Variants in BMERB1 observed in about 807,000 individuals in gnomAD.
BMERB1 encodes bMERB domain-containing protein 1.
A neutral mutation model predicts 23.6 loss-of-function variants in BMERB1; 12 were observed. The observed-to-expected ratio is 0.51, with a 90% CI of 0.33 to 0.82. The LOEUF (loss-of-function observed/expected upper bound fraction) is 0.82. BMERB1 is among the 40% of genes least tolerant of loss of function. The pLI, the probability that BMERB1 is intolerant of heterozygous loss-of-function variation, is 0.03. For missense variants in BMERB1, 247 were observed against 255.4 expected (o/e 0.97, Z 0.22); for synonymous variants, 122 against 96.6 (o/e 1.26, Z -1.54).
chr16:15,513,375 G>T (rs1471411384), intron 1 of BMERB1, among the ~76,000 whole-genome samples: 1 of 152,106 alleles, frequency 6.6e-6, no homozygotes, highest in Non-Finnish European at 1.5e-5. Flanking sequence ...CGCCTTCCAT[G>T]CTGCTGCCGA....
chr16:15,440,835 G>A lies in BMERB1; in HGVS notation c.106+6076G>A, dbSNP rs1478223675. ...GGGGAAGTTAAGACCTGGGTTGAGAGTGAAGGCGTCAAATATTACATAAGC... is the reference window on the plus strand; with the variant it reads ...GGGGAAGTTAAGACCTGGGTTGAGAATGAAGGCGTCAAATATTACATAAGC... On this transcript the variant is annotated intron_variant, in intron 1 of 5. Coordinates refer to ENST00000300006, the MANE Select transcript of BMERB1 (RefSeq NM_033201.3). 2.0e-5 allele frequency among the ~76,000 whole-genome samples: 3 copies of A among 152,172 alleles called. No individual in the cohort carries two copies. In the East Asian group the frequency reaches 5.8e-4, roughly 29 times the overall value.
chr16:15,538,879 T>G (rs945416721), intron 2 of BMERB1, among the ~76,000 whole-genome samples: 4 of 152,116 alleles, frequency 2.6e-5, no homozygotes, highest in African/African-American at 9.7e-5. Context: ...AAAACAGCCC[T>G]AGACTTGGAG....
chr16:15,539,893 G>C (rs1474608257), intron 2 of BMERB1, among the ~76,000 whole-genome samples: 1 of 151,988 alleles, frequency 6.6e-6, no homozygotes, highest in Non-Finnish European at 1.5e-5. Flanking sequence ...AAGGCCTAGT[G>C]GCTCATGCTT....
intron 1 of BMERB1, among the ~76,000 whole-genome samples, chr16:15,449,845 C>A (rs2051026565): frequency 6.6e-6 from 1 of 151,964 alleles, no homozygotes; most frequent in South Asian, 2.1e-4. Context: ...TGCACCCAGC[C>A]TACTTTATTT....
intron 1 of BMERB1, among the ~76,000 whole-genome samples, chr16:15,436,458 C>T (rs1335728101): frequency 6.6e-6 from 1 of 151,980 alleles, no homozygotes; most frequent in Admixed American, 6.6e-5. Context: ...GGGGTTTCAC[C>T]ATGTTGGGCA....
At chr16:15,454,790 T>TAA (rs11452641) in intron 1 of BMERB1, among the ~76,000 whole-genome samples, 5,903 of 144,042 alleles carry the variant, frequency 0.041, 364 homozygotes, top group African/African-American at 0.13. Context: ...AGACTCAGTC[T>TAA]AAAAAAAAAA....
chr16:15,475,709 G>A (rs2051269555), intron 1 of BMERB1, among the ~76,000 whole-genome samples: 1 of 152,138 alleles, frequency 6.6e-6, no homozygotes, highest in Non-Finnish European at 1.5e-5. Context: ...ACTGGGTGGG[G>A]GATGGAGAAT....
chr16:15,568,341 T>C (rs537903625), intron 3 of BMERB1, among the ~76,000 whole-genome samples: 64 of 152,258 alleles, frequency 4.2e-4, no homozygotes, highest in African/African-American at 1.4e-3. Context: ...TCATTGAGTA[T>C]AAATATCCTA....
chr16:15,437,994 T>C (rs2050903468), intron 1 of BMERB1, among the ~76,000 whole-genome samples: 1 of 150,900 alleles, frequency 6.6e-6, no homozygotes, highest in South Asian at 2.1e-4. Flanking sequence ...CTTCTTACCC[T>C]CTGTTTCAAA....
chr16:15,488,250 A>C (rs982511279), intron 1 of BMERB1, among the ~76,000 whole-genome samples: 1 of 152,150 alleles, frequency 6.6e-6, no homozygotes, highest in South Asian at 2.1e-4. Flanking sequence ...CTGAAATCTG[A>C]ATTTTTTGCA....
intron 1 of BMERB1, among the ~76,000 whole-genome samples, chr16:15,461,081 C>CT (rs767062145): frequency 7.4e-5 from 11 of 149,558 alleles, no homozygotes; most frequent in Non-Finnish European, 1.3e-4. Context: ...GCCAAGATTG[C>CT]ACCAGTGCAC....
chr16:15,487,184 C>T (rs998145297), intron 1 of BMERB1, among the ~76,000 whole-genome samples: 10 of 152,112 alleles, frequency 6.6e-5, no homozygotes, highest in African/African-American at 1.2e-4. Flanking sequence ...GAATTCTAGA[C>T]GGTACTTTTG....
At chr16:15,568,435 T>C (rs2168418) in intron 3 of BMERB1, among the ~76,000 whole-genome samples, 66,931 of 151,926 alleles carry the variant, frequency 0.44, 15,255 homozygotes, top group Middle Eastern at 0.55. Context: ...GTCAGGAGTT[T>C]GAGGCCAGCC....
chr16:15,582,836 G>A lies in BMERB1; in HGVS notation c.420-320G>A, dbSNP rs1259954589. ...CTTTGTGGGAGCACAGGTGAATAGG[G>A]TGGCTTCAAAATACAAGGTCAGGAG... is the stretch of plus-strand genomic sequence containing the variant. On this transcript the variant is annotated intron_variant, in intron 4 of 5. Transcript: ENST00000300006. 2.6e-5 allele frequency among the ~76,000 whole-genome samples: 4 copies of A among 152,256 alleles called. No individual in the cohort carries two copies. In the East Asian group the frequency reaches 7.7e-4, roughly 29 times the overall value.
intron 1 of BMERB1, among the ~76,000 whole-genome samples, chr16:15,455,045 G>A (rs2051072960): frequency 6.6e-6 from 1 of 151,922 alleles, no homozygotes; most frequent in Admixed American, 6.6e-5. Context: ...TGTAGAAAAT[G>A]TCATCTGAGG....
chr16:15,503,101 A>G (rs1164854037), intron 1 of BMERB1, among the ~76,000 whole-genome samples: 2 of 152,194 alleles, frequency 1.3e-5, no homozygotes, highest in African/African-American at 4.8e-5. Flanking sequence ...TCAGGAAAAA[A>G]ATCCACAAAT....
chr16:15,436,315 A>G (rs376578087), intron 1 of BMERB1, among the ~76,000 whole-genome samples: 18 of 145,568 alleles, frequency 1.2e-4, no homozygotes, highest in East Asian at 2.0e-4. Context: ...CTGGAGTGCA[A>G]TGACACAATC....
At chr16:15,501,720 G>A (rs962078256) in intron 1 of BMERB1, among the ~76,000 whole-genome samples, 2 of 151,856 alleles carry the variant, frequency 1.3e-5, no homozygotes, top group African/African-American at 2.4e-5. Context: ...GTGATCCACC[G>A]CCTCGGACTC....
intron 2 of BMERB1, among the ~76,000 whole-genome samples, chr16:15,543,398 G>C (rs2052104539): frequency 1.3e-5 from 2 of 152,082 alleles, no homozygotes; most frequent in African/African-American, 4.8e-5. Flanking sequence ...TTCTCATTTA[G>C]GGCTGCAGGT....
Sources: gnomAD v4.1 joint callset for allele counts (sites outside exome capture counted in the v4.1 genomes callset) on GRCh38, gnomAD v4.1.1 for gene constraint, MANE v1.5 for transcripts, NCBI Gene and HGNC (gene_info 2026-07-23, HGNC 2026-07-21) for gene names.